LSAMP: variants seen among roughly 807,000 people sequenced by gnomAD.
The protein encoded by LSAMP is limbic system-associated membrane protein.
In LSAMP, 7 loss-of-function variants were observed where a neutral mutation model predicts 38.6. The observed-to-expected ratio is 0.18, with a 90% CI of 0.10 to 0.34. The LOEUF (loss-of-function observed/expected upper bound fraction) is 0.34, where lower values mean the gene tolerates loss of function less well. Among genes scored for constraint, LSAMP ranks in the 10% least tolerant of loss-of-function variants. The probability of loss-of-function intolerance (pLI) is 1.00; values close to 1 mark genes in which losing one functional copy is unlikely to be tolerated. For missense variants in LSAMP, 313 were observed against 420.0 expected, an observed-to-expected ratio of 0.75 and a Z score of 2.23; for synonymous variants, 154 against 166.8, an observed-to-expected ratio of 0.92 and a Z score of 0.59.
intron 3 of LSAMP, among the ~76,000 whole-genome samples, chr3:116,019,160 G>GGT (rs1940566440): frequency 1.1e-5 from 1 of 92,564 alleles, no homozygotes; most frequent in South Asian, 3.8e-4. Flanking sequence ...TTGTGGGTGG[G>GGT]GGGGGGGGGG....
intron 2 of LSAMP, among the ~76,000 whole-genome samples, chr3:116,040,257 C>A (rs544680581): frequency 1.3e-5 from 2 of 152,236 alleles, no homozygotes; most frequent in African/African-American, 2.4e-5. Context: ...GTTCCCACTG[C>A]CAGAATGGGA....
intron 1 of LSAMP, among the ~76,000 whole-genome samples, chr3:116,105,263 C>A (rs993468495): frequency 6.6e-6 from 1 of 152,006 alleles, no homozygotes; most frequent in Non-Finnish European, 1.5e-5. Flanking sequence ...AGACTCTGTT[C>A]TAGCCACACA....
chr3:116,380,228 A>C (rs2048539795), intron 1 of LSAMP, among the ~76,000 whole-genome samples: 1 of 152,050 alleles, frequency 6.6e-6, no homozygotes. Flanking sequence ...AGGGCTGAAC[A>C]TAGTATTTGG....
intron 3 of LSAMP, among the ~76,000 whole-genome samples, chr3:115,998,814 G>A (rs542186583): frequency 2.8e-4 from 42 of 152,116 alleles, no homozygotes; most frequent in Non-Finnish European, 4.6e-4. Flanking sequence ...CCCATCTCCC[G>A]CCCGTGTTCC....
chr3:116,415,997 G>C (rs1197946294), intron 1 of LSAMP, among the ~76,000 whole-genome samples: 1 of 152,024 alleles, frequency 6.6e-6, no homozygotes, highest in African/African-American at 2.4e-5. Context: ...ATTCACAAAG[G>C]CTTCACTGTA....
chr3:116,393,744 T>C (rs542396721), intron 1 of LSAMP, among the ~76,000 whole-genome samples: 29 of 152,334 alleles, frequency 1.9e-4, no homozygotes, highest in East Asian at 1.9e-4. Flanking sequence ...TTTTAACTTA[T>C]AGATGTGAGC....
chr3:115,928,336 C>G (rs1467449701), intron 3 of LSAMP, among the ~76,000 whole-genome samples: 2 of 152,132 alleles, frequency 1.3e-5, no homozygotes, highest in Non-Finnish European at 2.9e-5. Context: ...GTTCATAGAA[C>G]ATCTCACTGA....
At chr3:116,329,189 C>T (rs181093988) in intron 1 of LSAMP, among the ~76,000 whole-genome samples, 85 of 152,262 alleles carry the variant, frequency 5.6e-4, no homozygotes, top group African/African-American at 2.0e-3. Flanking sequence ...GTGCTAAGCA[C>T]TGAATGCACA....
intron 1 of LSAMP, among the ~76,000 whole-genome samples, chr3:116,096,666 A>G (rs1366847520): frequency 1.3e-5 from 2 of 152,236 alleles, no homozygotes; most frequent in African/African-American, 2.4e-5. Flanking sequence ...AGTTTCATAA[A>G]GGGCAGAACT....
intron 1 of LSAMP, among the ~76,000 whole-genome samples, chr3:116,103,639 C>T (rs1219735203): frequency 2.0e-5 from 3 of 149,092 alleles, no homozygotes; most frequent in Non-Finnish European, 4.4e-5. Context: ...ATATCCTTCC[C>T]TTTTTGCTCT....
chr3:116,159,232 G>A (rs1227316475), intron 1 of LSAMP, among the ~76,000 whole-genome samples: 1 of 152,018 alleles, frequency 6.6e-6, no homozygotes, highest in East Asian at 1.9e-4. Flanking sequence ...AAAGCAAATT[G>A]CAACAAAACA....
intron 3 of LSAMP, among the ~76,000 whole-genome samples, chr3:116,001,402 A>C (rs1939989924): frequency 6.6e-6 from 1 of 152,248 alleles, no homozygotes; most frequent in Non-Finnish European, 1.5e-5. Flanking sequence ...TTCCTTCCAG[A>C]AAAGCTCAAG....
At chr3:115,896,981 C>A (rs569633489) in intron 3 of LSAMP, among the ~76,000 whole-genome samples, 1 of 152,014 alleles carries the variant, frequency 6.6e-6, no homozygotes, top group African/African-American at 2.4e-5. Context: ...GTATCTATTC[C>A]CACTCCTTTC....
At chr3:116,222,409 AT>A (rs2046296546) in intron 1 of LSAMP, among the ~76,000 whole-genome samples, 1 of 152,136 alleles carries the variant, frequency 6.6e-6, no homozygotes, top group African/African-American at 2.4e-5. Context: ...CTTTTAAAAA[AT>A]GTCCCCTTCA....
At chr3:116,295,225 T>A (rs557489803) in intron 1 of LSAMP, among the ~76,000 whole-genome samples, 15 of 152,356 alleles carry the variant, frequency 9.8e-5, no homozygotes, top group African/African-American at 2.6e-4. Context: ...GCTAAAGGAA[T>A]TTTTAAATTC....
intron 2 of LSAMP, among the ~76,000 whole-genome samples, chr3:116,050,277 C>T (rs1941369910): frequency 6.6e-6 from 1 of 152,124 alleles, no homozygotes; most frequent in Non-Finnish European, 1.5e-5. Context: ...CACTCCCTCC[C>T]ATTACCCTCT....
chr3:116,122,804 A>G (rs1478768976), intron 1 of LSAMP, among the ~76,000 whole-genome samples: 1 of 152,214 alleles, frequency 6.6e-6, no homozygotes, highest in Non-Finnish European at 1.5e-5. Context: ...CCTCTGTTCC[A>G]TCTTCACTTT....
chr3:116,220,937 G>A (rs2046276633), intron 1 of LSAMP, among the ~76,000 whole-genome samples: 2 of 152,030 alleles, frequency 1.3e-5, no homozygotes, highest in South Asian at 4.2e-4. Flanking sequence ...GGCGGATCAC[G>A]AGGTCAGGAG....
chr3:115,988,005 G>T (rs4831221), intron 3 of LSAMP, among the ~76,000 whole-genome samples: 67,870 of 151,844 alleles, frequency 0.45, 16,765 homozygotes, highest in African/African-American at 0.68. Context: ...AATATGTAAT[G>T]TTTCTCTAAT....
Sources: allele counts gnomAD v4.1 joint callset (sites outside exome capture counted in the v4.1 genomes callset), GRCh38; gene constraint gnomAD v4.1.1; transcripts MANE v1.5; gene names NCBI Gene and HGNC (gene_info 2026-07-23, HGNC 2026-07-21).